The following DMKN variants were observed in gnomAD, a reference collection of about 807,000 sequenced individuals.
The protein encoded by DMKN is epidermis-specific secreted protein SK30/SK89.
Under a neutral mutation model 67.6 loss-of-function variants are expected in DMKN, and 58 were observed. That is an observed-to-expected ratio of 0.86 (90% CI 0.69 to 1.07). The LOEUF (loss-of-function observed/expected upper bound fraction) is 1.07, where lower values mean the gene tolerates loss of function less well. DMKN is among the 50% of genes least tolerant of loss of function. The probability of loss-of-function intolerance (pLI) is 0.00; values close to 1 mark genes in which losing one functional copy is unlikely to be tolerated. For missense variants in DMKN, 596 were observed against 601.5 expected, an observed-to-expected ratio of 0.99 and a Z score of 0.10; for synonymous variants, 240 against 232.3, an observed-to-expected ratio of 1.03 and a Z score of -0.30.
chr19:35,498,648 G>GCCCTGC, intron 15 of DMKN, 68 bp downstream of exon 15: 1 of 1,603,074 alleles, frequency 6.2e-7, no homozygotes, highest in South Asian at 1.1e-5. Context: ...CAAGATCCTG[G>GCCCTGC]CCCTGCCCCG....
intron 11 of DMKN, 29 bp downstream of exon 11, chr19:35,502,107 C>A: frequency 6.2e-7 from 1 of 1,614,086 alleles, no homozygotes; most frequent in Non-Finnish European, 8.5e-7. Context: ...ACCCTGTGTC[C>A]CAGAGCTGAG....
chr19:35,509,983 G>C (rs775463948), intron 6 of DMKN, 22 bp from the exon 7 acceptor site: 57 of 1,613,954 alleles, frequency 3.5e-5, no homozygotes, highest in Middle Eastern at 3.3e-4. Flanking sequence ...AGAAAGGGGA[G>C]ACTTTCCCTC....
At chr19:35,501,954 C>T in intron 11 of DMKN, 182 bp downstream of exon 11, 1 of 1,551,812 alleles carries the variant, frequency 6.4e-7, no homozygotes, top group African/African-American at 1.4e-5. Context: ...CTAGGGAGGT[C>T]CTCCCACCCT....
chr19:35,507,489 C>G lies in DMKN; in HGVS notation c.1039-1503G>C, dbSNP rs576676978. 1.2e-4 allele frequency: 187 copies of G among 1,551,444 alleles called. 1 individual carries two copies. In the South Asian group the frequency reaches 2.0e-3, roughly 17 times the overall value. On this transcript the variant is annotated intron_variant, in intron 7 of 15. Transcript: ENST00000339686. ...ATTGTCTCCAGAGCCTCCAAGGAGGCGATTGCCCTCTTTGCTTATTTCCTA... is the reference window on the plus strand; with the variant it reads ...ATTGTCTCCAGAGCCTCCAAGGAGGGGATTGCCCTCTTTGCTTATTTCCTA...
chr19:35,509,933 C>T lies in DMKN; in HGVS notation c.1016G>A (p.Gly339Glu). The change falls in exon 7 of 16, where the codon GGG (glycine) becomes GAG (glutamate). Residue 339 changes from glycine (G) to glutamate (E), a missense_variant. Coordinates refer to ENST00000339686, the MANE Select transcript of DMKN (RefSeq NM_033317.5). ...GCEKPGNEAR[G>E]SGESGIQNSE... is the part of the protein sequence containing the mutation. Reference sequence around the variant, plus strand: ...CACCTGAATCCCAGATTCCCCGCTCCCGCGGGCTTCATTCCCTGGCTTTTC... The same window carrying T: ...CACCTGAATCCCAGATTCCCCGCTCTCGCGGGCTTCATTCCCTGGCTTTTC... The T allele has an allele frequency of 6.2e-7, 1 of 1,614,220 alleles. No individual in the cohort carries two copies. Among genetic ancestry groups the T allele is most frequent in the Non-Finnish European group, 8.5e-7 (1 of 1,180,040 alleles).
intron 7 of DMKN, chr19:35,506,399 C>G: frequency 3.1e-6 from 2 of 638,616 alleles, no homozygotes; most frequent in Non-Finnish European, 5.7e-6. Context: ...CCCACCCAGT[C>G]CCCTGAATCT....
chr19:35,510,130 G>C (rs2070450099), intron 6 of DMKN, 54 bp downstream of exon 6: 2 of 1,572,730 alleles, frequency 1.3e-6, no homozygotes, highest in East Asian at 4.7e-5. Context: ...AGTGAAACCA[G>C]CTGCTCTCCT....
At chr19:35,506,653 T>A in intron 7 of DMKN, 1 of 442,032 alleles carries the variant, frequency 2.3e-6, no homozygotes, top group Non-Finnish European at 4.6e-6. Flanking sequence ...CTCGGAGAGG[T>A]TAGCTGACTT....
At chr19:35,500,723 C>G (rs1158325083) in intron 11 of DMKN, 143 bp from the exon 12 acceptor site, 1 of 913,420 alleles carries the variant, frequency 1.1e-6, no homozygotes, top group African/African-American at 1.7e-5. Context: ...GAGCTGATGG[C>G]CCAGATAGAT....
intron 12 of DMKN, 158 bp from the exon 13 acceptor site, chr19:35,500,187 G>A: frequency 8.7e-7 from 1 of 1,154,246 alleles, no homozygotes; most frequent in Non-Finnish European, 1.2e-6. Flanking sequence ...ATCTCCTCCA[G>A]CCAGCCAGGG....
Position 35,511,578 on chromosome 19 carries a change from G to A in DMKN, c.751C>T (p.Gln251Ter), listed in dbSNP as rs2070832455. Residue 251 changes from glutamine (Q) to a stop codon, truncating the protein, a stop_gained, in exon 5 of 16, where the codon CAG (glutamine) becomes TAG (stop). Coordinates refer to ENST00000339686, the MANE Select transcript of DMKN (RefSeq NM_033317.5). LOFTEE classifies it high-confidence loss of function. The part of the protein sequence containing the change: ...SSNSGGGSGS[Q>*]SGSSGSGSNG... ...CTGCCACTGCCACTGCTGCCCGACT[G>A]TGAGCCGCTGCCTCCCTGAGGGGCA... 6.2e-7 allele frequency: 1 copy of A among 1,611,056 alleles called. No individual in the cohort carries two copies. The highest frequency in any genetic ancestry group is 1.3e-5 in the African/African-American group (1 of 74,436).
chr19:35,510,110 C>T lies in DMKN; in HGVS notation c.987+74G>A, dbSNP rs1329575758. ...CCATCTCCGCGGAGCCTTGGCTCCCCGATCCTGCGAGTGAAACCAGCTGCT... is the reference window on the plus strand; with the variant it reads ...CCATCTCCGCGGAGCCTTGGCTCCCTGATCCTGCGAGTGAAACCAGCTGCT... On this transcript the variant is annotated intron_variant, in intron 6 of 15. Transcript: ENST00000339686. The T allele has an allele frequency of 5.8e-6, 9 of 1,562,926 alleles. No homozygotes were observed. In the African/African-American group the frequency reaches 1.1e-4, roughly 19 times the overall value.
intron 15 of DMKN, chr19:35,498,132 ATTTGTTTG>A (rs369551024): frequency 6.5e-6 from 1 of 154,138 alleles, no homozygotes; most frequent in Non-Finnish European, 1.4e-5. Context: ...AAGGTTTTTC[ATTTGTTTG>A]TTTGTTTGTT....
intron 11 of DMKN, among the ~76,000 whole-genome samples, chr19:35,501,123 C>CA (rs1378886495): frequency 6.6e-6 from 1 of 152,172 alleles, no homozygotes; most frequent in Non-Finnish European, 1.5e-5. Context: ...ACACCCCCCC[C>CA]AGCCCCAGCG....
In DMKN at chr19:35,500,192, C is replaced by T. The variant is rs371564192; in HGVS notation, c.1288-163G>A. On this transcript the variant is annotated intron_variant, in intron 12 of 15. Transcript: ENST00000339686. ...CTTTTATACAATCTCCTCCAGCCAG[C>T]CAGGGCCCCCACCCTCACCTGCCTT... The T allele has an allele frequency of 1.7e-5, 20 of 1,157,558 alleles. No homozygotes were observed. The African/African-American group carries it at 2.9e-4, about 17-fold the overall frequency. The allele number at this position is 1,157,558 out of a possible 1,614,324, so 71.7% of individuals were successfully genotyped here. A position where few individuals can be genotyped will look rare whatever the true frequency, so the allele number is the denominator to read the frequency against.
chr19:35,504,603 A>C (rs935632356), intron 9 of DMKN, among the ~76,000 whole-genome samples: 3 of 151,858 alleles, frequency 2.0e-5, no homozygotes, highest in Admixed American at 6.6e-5. Flanking sequence ...AACAAAAGAA[A>C]GAAAGAAAGA....
intron 5 of DMKN, 98 bp downstream of exon 5, chr19:35,511,313 G>A (rs1270838771): frequency 7.6e-6 from 12 of 1,573,414 alleles, no homozygotes; most frequent in Non-Finnish European, 1.0e-5. Context: ...GCCCATCCTC[G>A]GGCAGCGGCA....
intron 6 of DMKN, 87 bp from the exon 7 acceptor site, chr19:35,510,048 C>A: frequency 6.3e-7 from 1 of 1,585,020 alleles, no homozygotes; most frequent in Non-Finnish European, 8.6e-7. Flanking sequence ...AACCCTGGGG[C>A]GAGCCGCTTC....
At chr19:35,507,327 TTGATGGTCAC>T in intron 7 of DMKN, 1 of 852,052 alleles carries the variant, frequency 1.2e-6, no homozygotes, top group Non-Finnish European at 1.8e-6. Flanking sequence ...TTTTGGTCTC[TTGATGGTCAC>T]TGGACGCAGA....
Sources: allele counts gnomAD v4.1 joint callset (sites outside exome capture counted in the v4.1 genomes callset), GRCh38; gene constraint gnomAD v4.1.1; transcripts MANE v1.5; gene names NCBI Gene and HGNC (gene_info 2026-07-23, HGNC 2026-07-21).